Variants in CNTLN observed in about 807,000 individuals in gnomAD.
CNTLN encodes the protein centlein.
A neutral mutation model predicts 180.0 loss-of-function variants in CNTLN; 212 were observed. The observed-to-expected ratio is 1.18, with a 90% CI of 1.05 to 1.32. The LOEUF is 1.32. Among genes scored for constraint, CNTLN ranks in the 40% most tolerant of loss-of-function variants. The pLI is 0.00. For synonymous variants in CNTLN, 722 were observed against 563.1 expected (o/e 1.28, Z -3.99); for missense variants, 2,095 against 1,610.9 (o/e 1.30, Z -5.14).
intron 18 of CNTLN, among the ~76,000 whole-genome samples, chr9:17,434,678 C>T (rs570568145): frequency 5.3e-5 from 8 of 152,060 alleles, no homozygotes; most frequent in South Asian, 2.1e-4. Context: ...AACAAAATTA[C>T]GATTTCAGCT....
intron 2 of CNTLN, among the ~76,000 whole-genome samples, chr9:17,177,383 TG>T (rs1370407247): frequency 3.9e-5 from 6 of 152,006 alleles, no homozygotes; most frequent in South Asian, 2.1e-4. Context: ...CACTCCAGCC[TG>T]GGCGACAGAA....
Position 17,462,985 on chromosome 9 carries a change from GAAGAACA to G in CNTLN, c.3377_3383del (p.Glu1126AlafsTer2). The G allele has an allele frequency of 6.3e-7, 1 of 1,586,612 alleles. No homozygotes were observed. The highest frequency in any genetic ancestry group is 8.6e-7 in the Non-Finnish European group (1 of 1,168,686). The stretch of plus-strand genomic sequence containing the variant: ...TTTGAAATTTGAACTCCTAGCAAAA[GAAGAACA>G]CATAAAGGAAATGCATGAAAAGTAT... On this transcript the variant is annotated frameshift_variant, in exon 20 of 26. Transcript: ENST00000380647. LOFTEE classifies it high-confidence loss of function.
chr9:17,366,560 T>C, intron 12 of CNTLN, 57 bp from the exon 13 acceptor site: 1 of 812,896 alleles, frequency 1.2e-6, no homozygotes, highest in Non-Finnish European at 2.0e-6. Context: ...TGTATATGTT[T>C]GATTTTTTTA....
intron 2 of CNTLN, among the ~76,000 whole-genome samples, chr9:17,170,611 A>C (rs1283184102): frequency 6.6e-6 from 1 of 151,686 alleles, no homozygotes; most frequent in South Asian, 2.1e-4. Context: ...TTCATTTTGC[A>C]TTTCATTGTT....
In CNTLN at chr9:17,159,296, C is replaced by G. The variant is rs184408742; in HGVS notation, c.449+15920C>G. ...CAGTTTCTTTGGAAAGAGATTAGGC[C>G]TTGTTTTACATACTGCTTTTCCTTT... is the stretch of plus-strand genomic sequence containing the variant. On this transcript the variant is annotated intron_variant, in intron 2 of 25. Coordinates refer to ENST00000380647, the MANE Select transcript of CNTLN (RefSeq NM_017738.4). Among the ~76,000 whole-genome samples the G allele has an allele frequency of 1.2e-4, 19 of 152,264 alleles. No homozygotes were observed. In the East Asian group the frequency reaches 3.3e-3, roughly 26 times the overall value.
intron 2 of CNTLN, among the ~76,000 whole-genome samples, chr9:17,164,870 C>CT (rs1819958039): frequency 7.1e-6 from 1 of 141,290 alleles, no homozygotes; most frequent in African/African-American, 2.7e-5. Flanking sequence ...GAGTCTCACT[C>CT]TGTCGCCCAG....
intron 2 of CNTLN, among the ~76,000 whole-genome samples, chr9:17,148,809 T>C (rs1818633993): frequency 6.6e-6 from 1 of 152,188 alleles, no homozygotes; most frequent in South Asian, 2.1e-4. Context: ...AGTGCCACAA[T>C]AATTTTTTTA....
At chr9:17,362,491 A>AT (rs1231965495) in intron 12 of CNTLN, among the ~76,000 whole-genome samples, 1 of 134,374 alleles carries the variant, frequency 7.4e-6, no homozygotes, top group Non-Finnish European at 1.6e-5. Context: ...GAGAGTATAC[A>AT]TATCAAAGTG....
intron 8 of CNTLN, among the ~76,000 whole-genome samples, chr9:17,325,527 A>T (rs1245704348): frequency 1.4e-5 from 2 of 143,490 alleles, no homozygotes; most frequent in African/African-American, 2.6e-5. Context: ...TATGTTAGAT[A>T]TGTTATATAC....
chr9:17,295,645 G>A (rs1400972259), intron 6 of CNTLN, among the ~76,000 whole-genome samples: 5 of 152,198 alleles, frequency 3.3e-5, no homozygotes, highest in African/African-American at 9.6e-5. Flanking sequence ...GGCCCGCCCT[G>A]TTTTTCTTTA....
chr9:17,510,410 A>G, the CNTLN span, among the ~76,000 whole-genome samples: 1 of 152,182 alleles, frequency 6.6e-6, no homozygotes, highest in Admixed American at 6.5e-5. Context: ...GGACTTGATG[A>G]ATTTTGTGTG....
At chr9:17,456,451 A>C (rs765694120) in intron 18 of CNTLN, among the ~76,000 whole-genome samples, 5 of 152,196 alleles carry the variant, frequency 3.3e-5, no homozygotes, top group Non-Finnish European at 7.3e-5. Context: ...TTTTGAGTCC[A>C]TGATCTGAAA....
chr9:17,495,833 C>G (rs1833425703), intron 25 of CNTLN, among the ~76,000 whole-genome samples: 1 of 152,010 alleles, frequency 6.6e-6, no homozygotes. Flanking sequence ...GTCTTCTATA[C>G]CATATTTTTA....
chr9:17,219,620 C>A (rs1281130893), intron 2 of CNTLN, among the ~76,000 whole-genome samples: 4 of 151,578 alleles, frequency 2.6e-5, no homozygotes, highest in African/African-American at 7.3e-5. Context: ...CCCATTTTTT[C>A]AATATTATGT....
At chr9:17,225,174 C>T (rs181117911) in intron 2 of CNTLN, among the ~76,000 whole-genome samples, 1 of 151,894 alleles carries the variant, frequency 6.6e-6, no homozygotes, top group East Asian at 1.9e-4. Flanking sequence ...CTAATATAAG[C>T]CTTGGTTCTA....
intron 2 of CNTLN, among the ~76,000 whole-genome samples, chr9:17,176,936 G>C (rs1317912464): frequency 6.6e-6 from 1 of 152,104 alleles, no homozygotes; most frequent in East Asian, 1.9e-4. Context: ...TCTTGATATT[G>C]ATAACAGATG....
intron 21 of CNTLN, 147 bp downstream of exon 21, chr9:17,464,770 A>C: frequency 4.3e-6 from 2 of 468,792 alleles, no homozygotes; most frequent in Non-Finnish European, 7.3e-6. Flanking sequence ...TTTGCTCTGA[A>C]AGTACATTAT....
At chr9:17,202,938 C>G (rs181643643) in intron 2 of CNTLN, among the ~76,000 whole-genome samples, 7 of 151,926 alleles carry the variant, frequency 4.6e-5, no homozygotes, top group Admixed American at 1.3e-4. Context: ...TGTCGTTGGT[C>G]TTTATATTTT....
the CNTLN span, among the ~76,000 whole-genome samples, chr9:17,523,105 C>G: frequency 6.6e-6 from 1 of 152,150 alleles, no homozygotes; most frequent in African/African-American, 2.4e-5. Flanking sequence ...TTCATCACCA[C>G]CAGAGAGCAC....
Sources: gnomAD v4.1 joint callset for allele counts (sites outside exome capture counted in the v4.1 genomes callset) on GRCh38, gnomAD v4.1.1 for gene constraint, MANE v1.5 for transcripts, NCBI Gene and HGNC (gene_info 2026-07-23, HGNC 2026-07-21) for gene names.